AFF1: variants seen among roughly 807,000 people sequenced by gnomAD.
The protein encoded by AFF1 is ALF transcription elongation factor 1.
A neutral mutation model predicts 121.7 loss-of-function variants in AFF1; 48 were observed. The observed-to-expected ratio is 0.39, with a 90% confidence interval of 0.31 to 0.50. The LOEUF is 0.50. Ranked by LOEUF, AFF1 falls within the 20% of genes least tolerant of loss-of-function variation. AFF1 has a pLI of 0.76. For missense variants in AFF1, 1,523 were observed against 1,511.7 expected, an observed-to-expected ratio of 1.01 and a Z score of -0.12; for synonymous variants, 613 against 563.0, an observed-to-expected ratio of 1.09 and a Z score of -1.26.
chr4:86,959,663 C>T (rs1012823607), intron 2 of AFF1, among the ~76,000 whole-genome samples: 36 of 151,952 alleles, frequency 2.4e-4, no homozygotes, highest in African/African-American at 7.0e-4. Context: ...GACACCTAAA[C>T]GATAAGTAAC....
rs61071328 is a variant in AFF1, at chr4:87,013,032, C to CTTTTTTTTTTTTTTTTT, written c.39-33124_39-33108dup. Among the ~76,000 whole-genome samples the CTTTTTTTTTTTTTTTTT allele has an allele frequency of 1.7e-4, 16 of 93,488 alleles. 1 individual carries two copies. Among genetic ancestry groups the CTTTTTTTTTTTTTTTTT allele is most frequent in the Admixed American group, 2.4e-4 (2 of 8,234 alleles). The allele number at this position is 93,488 out of a possible 152,430, so 61.3% of individuals were successfully genotyped here. On this transcript the variant is annotated intron_variant, in intron 2 of 20. Transcript: ENST00000395146. Reference sequence around the variant, plus strand: ...AACCAGATTGAACTGCTATCAAGTTCTTTTTTTTTTTTTTTTTTTTTTTTT... The same window carrying CTTTTTTTTTTTTTTTTT: ...AACCAGATTGAACTGCTATCAAGTTCTTTTTTTTTTTTTTTTTTTTTTTTTTTTTTTTTTTTTTTTTT...
chr4:87,079,439 G>A (rs1191183434), intron 4 of AFF1, among the ~76,000 whole-genome samples: 1 of 152,246 alleles, frequency 6.6e-6, no homozygotes, highest in Admixed American at 6.5e-5. Context: ...CTGGTCCGAA[G>A]CACTGGTAGT....
chr4:87,095,453 A>G (rs1191963957), intron 8 of AFF1, among the ~76,000 whole-genome samples: 12 of 152,208 alleles, frequency 7.9e-5, no homozygotes, highest in African/African-American at 2.2e-4. Context: ...TTGAAGGTCT[A>G]TGTACCATTG....
At chr4:87,026,361 T>C (rs1578094863) in intron 2 of AFF1, among the ~76,000 whole-genome samples, 1 of 152,136 alleles carries the variant, frequency 6.6e-6, no homozygotes, top group Non-Finnish European at 1.5e-5. Context: ...GCCTCCCAAA[T>C]TGCTGGGATT....
intron 4 of AFF1, among the ~76,000 whole-genome samples, chr4:87,051,421 T>C (rs1560576759): frequency 6.6e-6 from 1 of 151,910 alleles, no homozygotes; most frequent in African/African-American, 2.4e-5. Flanking sequence ...TTTTCTTTTT[T>C]TTTTTTTTAA....
Position 87,108,151 on chromosome 4 carries a change from C to G in AFF1, c.1377-8C>G. The G allele has an allele frequency of 6.2e-7, 1 of 1,612,650 alleles. No homozygotes were observed. Among genetic ancestry groups the G allele is most frequent in the Non-Finnish European group, 8.5e-7 (1 of 1,179,370 alleles). On this transcript the variant is annotated splice_region_variant and splice_polypyrimidine_tract_variant and intron_variant, in intron 10 of 20. Coordinates refer to ENST00000395146, the MANE Select transcript of AFF1 (RefSeq NM_001166693.3). ...GCCTTCTAATTTTATCTTTTGGTTG[C>G]TTTGCAGTGCTCCACAGTCCCTTCC...
At chr4:86,979,695 T>C (rs144970552) in intron 2 of AFF1, among the ~76,000 whole-genome samples, 357 of 152,340 alleles carry the variant, frequency 2.3e-3, no homozygotes, top group African/African-American at 7.9e-3. Context: ...AAACTACATT[T>C]AGCTATCATA....
At chr4:87,012,757 C>CT (rs1726906722) in intron 2 of AFF1, among the ~76,000 whole-genome samples, 1 of 152,212 alleles carries the variant, frequency 6.6e-6, no homozygotes, top group South Asian at 2.1e-4. Context: ...ACTTTTGGTG[C>CT]TAATGCCCCA....
intron 16 of AFF1, among the ~76,000 whole-genome samples, chr4:87,129,126 G>A (rs1485805264): frequency 6.6e-6 from 1 of 152,168 alleles, no homozygotes; most frequent in Non-Finnish European, 1.5e-5. Context: ...CCTGGTTTAT[G>A]CCTGTTTCAT....
intron 17 of AFF1, among the ~76,000 whole-genome samples, 183 bp downstream of exon 17, chr4:87,131,402 A>T (rs1294902259): frequency 2.0e-5 from 3 of 152,244 alleles, no homozygotes; most frequent in Admixed American, 2.0e-4. Context: ...GCACAGAATA[A>T]CTGGGTCCAA....
chr4:87,095,627 C>T lies in AFF1; in HGVS notation c.1283+658C>T, dbSNP rs116478333. Among the ~76,000 whole-genome samples, 1,041 of 152,236 alleles carry T rather than the reference C, an allele frequency of 6.8e-3. 13 individuals carry two copies. Among genetic ancestry groups the T allele is most frequent in the African/African-American group, 0.024 (995 of 41,540 alleles). ...GGGATGTGCACAATTGAAGATTTTC[C>T]GCCCTTTTTTGGCCTAATTTACTAA... On this transcript the variant is annotated intron_variant, in intron 8 of 20. Transcript: ENST00000395146.
intron 4 of AFF1, among the ~76,000 whole-genome samples, chr4:87,081,192 C>T (rs937715461): frequency 8.7e-6 from 1 of 114,464 alleles, no homozygotes; most frequent in African/African-American, 3.5e-5. Flanking sequence ...GACAGAGTCT[C>T]ACTCGGTCTC....
rs1435235726 is a variant in AFF1 at position 87,135,887 on chromosome 4, G to A, written c.*186G>A. ...ATCATTGGTTGGACACTGTGGTTAT[G>A]CAGAAGCAGAGATGAGGAGGCTGGC... On this transcript the variant is annotated 3_prime_UTR_variant, in exon 21 of 21. Transcript: ENST00000395146. 1.1e-5 allele frequency: 10 copies of A among 949,062 alleles called. No homozygotes were observed. Among genetic ancestry groups the A allele is most frequent in the Non-Finnish European group, 1.4e-5 (10 of 696,228 alleles). The allele number at this position is 949,062 out of a possible 1,614,324, so 58.8% of individuals were successfully genotyped here.
At chr4:86,942,218 A>AG (rs1720515621) in intron 1 of AFF1, among the ~76,000 whole-genome samples, 1 of 152,186 alleles carries the variant, frequency 6.6e-6, no homozygotes, top group Non-Finnish European at 1.5e-5. Context: ...AACTTTTGTA[A>AG]GGGTCCAAAT....
At chr4:87,020,948 T>C in intron 2 of AFF1, 1 of 695,712 alleles carries the variant, frequency 1.4e-6, no homozygotes, top group Non-Finnish European at 1.8e-6. Flanking sequence ...TGCATGCGGA[T>C]TTTATTTTGG....
rs1729343486 is a variant in AFF1 at position 87,136,857 on chromosome 4, C to T, written c.*1156C>T. The T allele has an allele frequency of 2.3e-5, 5 of 221,234 alleles. No individual in the cohort carries two copies. In the East Asian group the frequency reaches 3.3e-4, roughly 15 times the overall value. 13.7% of individuals were successfully genotyped at this position (221,234 alleles called of 1,614,324 possible). A position where few individuals can be genotyped will look rare whatever the true frequency, so the allele number is the denominator to read the frequency against. Reference sequence around the variant, plus strand: ...TGATTGTCTAGGGGAAGTTAACTCCCTGAGAGGATGTAGAGATTTGGGGTG... The same window carrying T: ...TGATTGTCTAGGGGAAGTTAACTCCTTGAGAGGATGTAGAGATTTGGGGTG... On this transcript the variant is annotated 3_prime_UTR_variant, in exon 21 of 21. Transcript: ENST00000395146.
At chr4:86,975,305 C>T (rs1184683184) in intron 2 of AFF1, among the ~76,000 whole-genome samples, 2 of 152,124 alleles carry the variant, frequency 1.3e-5, no homozygotes, top group Admixed American at 6.6e-5. Context: ...GGCTGGAGTG[C>T]AGTGGTGCAG....
intron 17 of AFF1, 84 bp from the exon 18 acceptor site, chr4:87,131,709 A>C (rs1244507872): frequency 8.4e-7 from 1 of 1,187,750 alleles, no homozygotes; most frequent in Non-Finnish European, 1.2e-6. Flanking sequence ...AGGAAAAGTC[A>C]ATATAAAATG....
intron 8 of AFF1, among the ~76,000 whole-genome samples, chr4:87,102,699 G>A (rs932308561): frequency 9.9e-5 from 15 of 152,054 alleles, no homozygotes; most frequent in Admixed American, 4.6e-4. Context: ...AAAATGATTT[G>A]ATCCTAATTA....
Sources: allele counts gnomAD v4.1 joint callset (sites outside exome capture counted in the v4.1 genomes callset), GRCh38; gene constraint gnomAD v4.1.1; transcripts MANE v1.5; gene names NCBI Gene and HGNC (gene_info 2026-07-23, HGNC 2026-07-21).